The following DMD variants were observed in gnomAD, a reference collection of about 807,000 sequenced individuals.
DMD encodes mutant dystrophin.
Under a neutral mutation model 330.1 loss-of-function variants are expected in DMD, and 63 were observed. The ratio of observed to expected loss-of-function variants is 0.19; its 90% confidence interval spans 0.16 to 0.24. The LOEUF (loss-of-function observed/expected upper bound fraction) is 0.24, where lower values mean the gene tolerates loss of function less well. Ranked by LOEUF, DMD falls within the 10% of genes least tolerant of loss-of-function variation. The pLI is 1.00. For synonymous variants in DMD, 1,223 were observed against 959.8 expected, an observed-to-expected ratio of 1.27 and a Z score of -5.07; for missense variants, 3,344 against 2,684.1, an observed-to-expected ratio of 1.25 and a Z score of -5.43.
intron 41 of DMD, among the ~76,000 whole-genome samples, chrX:32,311,427 G>C (rs1335666006): frequency 9.0e-6 from 1 of 111,178 alleles, no homozygotes; most frequent in African/African-American, 3.3e-5. Flanking sequence ...TTTATGTTTT[G>C]TTTTTAATTT....
intron 41 of DMD, among the ~76,000 whole-genome samples, chrX:32,316,815 A>G (rs2097584115): frequency 9.0e-6 from 1 of 111,209 alleles, no homozygotes; most frequent in Non-Finnish European, 1.9e-5. Context: ...TTTGCTATCT[A>G]TTCCTTAAAA....
chrX:32,350,836 T>C (rs1010897616), intron 37 of DMD, among the ~76,000 whole-genome samples: 1 of 111,203 alleles, frequency 9.0e-6, no homozygotes, highest in African/African-American at 3.3e-5. Context: ...ATGTAAGTGT[T>C]CCTAATATAG....
At chrX:33,300,174 T>C (rs989483103) in intron 1 of DMD, among the ~76,000 whole-genome samples, 3 of 112,484 alleles carry the variant, frequency 2.7e-5, no homozygotes, top group African/African-American at 9.7e-5. Flanking sequence ...TTGTGGTGCA[T>C]AAACTAGACC....
rs773332856 is a variant in DMD at position 31,260,944 on chromosome X, C to G, written c.9286+11G>C. The G allele has an allele frequency of 8.3e-7, 1 of 1,207,351 alleles. No individual in the cohort carries two copies. Among genetic ancestry groups the G allele is most frequent in the South Asian group, 1.8e-5 (1 of 56,741 alleles). ...TCATTTAACTTGGAGGAAACATGGC[C>G]ATGTCCTTACCTAAAGACTGGTAGA... On this transcript the variant is annotated intron_variant, in intron 63 of 78. Coordinates refer to ENST00000357033, the MANE Select transcript of DMD (RefSeq NM_004006.3).
At chrX:32,425,147 T>C (rs1329554443) in intron 29 of DMD, among the ~76,000 whole-genome samples, 1 of 111,671 alleles carries the variant, frequency 9.0e-6, no homozygotes, top group African/African-American at 3.3e-5. Context: ...AAACGAATCT[T>C]TAAAACAAAA....
At chrX:33,009,290 GTA>G (rs752568372) in intron 2 of DMD, among the ~76,000 whole-genome samples, 2 of 53,521 alleles carry the variant, frequency 3.7e-5, no homozygotes, top group East Asian at 6.8e-4. Context: ...GTGTATGTGT[GTA>G]TATGTGTATA....
chrX:31,147,567 AAAG>A (rs2036879538), intron 74 of DMD, 49 bp from the exon 75 acceptor site: 1 of 1,025,041 alleles, frequency 9.8e-7, no homozygotes, highest in South Asian at 2.1e-5. Flanking sequence ...AGAAAAAGAA[AAAG>A]AAGAAAAAAA....
chrX:31,828,343 C>A (rs2092936282), intron 49 of DMD, among the ~76,000 whole-genome samples: 1 of 111,420 alleles, frequency 9.0e-6, no homozygotes, highest in Non-Finnish European at 1.9e-5. Context: ...ACACAACCCT[C>A]CTAGTTTAAA....
At chrX:31,578,973 C>A (rs1172750045) in intron 55 of DMD, among the ~76,000 whole-genome samples, 1 of 111,941 alleles carries the variant, frequency 8.9e-6, no homozygotes, top group African/African-American at 3.2e-5. Context: ...AAGGCACATG[C>A]CCTGATTGGG....
chrX:32,476,911 A>T (rs2041297081), intron 21 of DMD, among the ~76,000 whole-genome samples: 1 of 111,260 alleles, frequency 9.0e-6, no homozygotes, highest in South Asian at 3.8e-4. Context: ...CCAACAGATA[A>T]GTTTATCTTT....
intron 56 of DMD, among the ~76,000 whole-genome samples, chrX:31,498,869 T>C (rs1225484356): frequency 8.9e-6 from 1 of 112,439 alleles, no homozygotes; most frequent in Non-Finnish European, 1.9e-5. Context: ...TAATAGTGCA[T>C]GCAGATTGCA....
At chrX:31,956,719 G>T (rs2095249917) in intron 45 of DMD, among the ~76,000 whole-genome samples, 1 of 112,193 alleles carries the variant, frequency 8.9e-6, no homozygotes, top group Non-Finnish European at 1.9e-5. Context: ...AACAGCAAAA[G>T]AGAGGAGAGG....
At chrX:31,620,813 G>A (rs2078489488) in intron 55 of DMD, among the ~76,000 whole-genome samples, 1 of 111,445 alleles carries the variant, frequency 9.0e-6, no homozygotes, top group African/African-American at 3.3e-5. Context: ...GAATAACATG[G>A]ACAATAGTAT....
chrX:32,013,093 C>CTTTTTTTTTTTTTTTTTTTTTTTTTTT lies in DMD; in HGVS notation c.6439-44580_6439-44579insAAAAAAAAAAAAAAAAAAAAAAAAAAA, dbSNP rs754162660. Among the ~76,000 whole-genome samples the CTTTTTTTTTTTTTTTTTTTTTTTTTTT allele has an allele frequency of 3.3e-5, 2 of 61,158 alleles. 1 individual carries two copies. The highest frequency in any genetic ancestry group is 1.6e-4 in the African/African-American group (2 of 12,321). 53.1% of individuals were successfully genotyped at this position (61,158 alleles called of 115,157 possible). ...GGAAATTAATCTTTTCTTTTCTTTC[C>CTTTTTTTTTTTTTTTTTTTTTTTTTTT]TTTTTTTTTTTTTGAGATGGAATCT... On this transcript the variant is annotated intron_variant, in intron 44 of 78. Transcript: ENST00000357033.
intron 2 of DMD, among the ~76,000 whole-genome samples, chrX:33,019,182 G>A (rs1569549867): frequency 9.0e-6 from 1 of 111,132 alleles, no homozygotes; most frequent in Non-Finnish European, 1.9e-5. Context: ...ACCCATAGAG[G>A]GAGTAATTCA....
chrX:31,388,834 G>T (rs1159766595), intron 60 of DMD, among the ~76,000 whole-genome samples: 1 of 111,980 alleles, frequency 8.9e-6, no homozygotes, highest in African/African-American at 3.2e-5. Context: ...CCCGTGAGGT[G>T]GAGGTTGCAG....
At chrX:31,807,981 A>T in intron 50 of DMD, among the ~76,000 whole-genome samples, 1 of 111,759 alleles carries the variant, frequency 8.9e-6, no homozygotes, top group Non-Finnish European at 1.9e-5. Context: ...GGTGAAAAAT[A>T]ATAATAATGT....
chrX:31,964,692 C>A (rs750978400), intron 45 of DMD, among the ~76,000 whole-genome samples: 1 of 108,500 alleles, frequency 9.2e-6, no homozygotes, highest in South Asian at 4.0e-4. Context: ...GCATATATGG[C>A]AAAATGTTAA....
intron 48 of DMD, among the ~76,000 whole-genome samples, chrX:31,845,076 G>GTATA (rs34182846): frequency 4.7e-5 from 5 of 105,978 alleles, no homozygotes; most frequent in East Asian, 3.0e-4. Flanking sequence ...GTATATGTGT[G>GTATA]TATATATATG....
Sources: allele counts gnomAD v4.1 joint callset (sites outside exome capture counted in the v4.1 genomes callset), GRCh38; gene constraint gnomAD v4.1.1; transcripts MANE v1.5; gene names NCBI Gene and HGNC (gene_info 2026-07-23, HGNC 2026-07-21).